The following EML6 variants were observed in gnomAD, a reference collection of about 807,000 sequenced individuals.
EML6 encodes the protein echinoderm microtubule-associated protein-like 6.
Under a neutral mutation model 240.1 loss-of-function variants are expected in EML6, and 154 were observed. That is an observed-to-expected ratio of 0.64 (90% CI 0.56 to 0.73). EML6 has a LOEUF of 0.73. Ranked by LOEUF, EML6 falls within the 30% of genes least tolerant of loss-of-function variation. The probability of loss-of-function intolerance (pLI) is 0.00; values close to 1 mark genes in which losing one functional copy is unlikely to be tolerated. For synonymous variants in EML6, 1,148 were observed against 899.0 expected (o/e 1.28, Z -4.95); for missense variants, 2,964 against 2,474.6 (o/e 1.20, Z -4.20).
At chr2:54,750,920 G>A (rs932968771) in intron 2 of EML6, among the ~76,000 whole-genome samples, 2 of 152,090 alleles carry the variant, frequency 1.3e-5, no homozygotes, top group African/African-American at 2.4e-5. Flanking sequence ...GATGGGGAAG[G>A]GCCAATTTTT....
chr2:54,892,727 C>T (rs1672540543), intron 19 of EML6, 71 bp downstream of exon 19: 2 of 1,213,144 alleles, frequency 1.6e-6, no homozygotes, highest in African/African-American at 1.5e-5. Flanking sequence ...TTAGGATGGC[C>T]CAAGAGGATG....
intron 17 of EML6, chr2:54,882,391 A>G (rs1378744320): frequency 6.6e-6 from 1 of 151,824 alleles, no homozygotes; most frequent in Non-Finnish European, 1.5e-5. Context: ...CATCACTGTC[A>G]ATCAGGGCAG....
chr2:54,772,637 C>T (rs948065035), intron 2 of EML6, among the ~76,000 whole-genome samples: 1 of 152,192 alleles, frequency 6.6e-6, no homozygotes, highest in Non-Finnish European at 1.5e-5. Context: ...CCTTATTCTA[C>T]ACATAACAGC....
At chr2:54,898,307 A>G (rs1247630588) in intron 21 of EML6, among the ~76,000 whole-genome samples, 1 of 152,142 alleles carries the variant, frequency 6.6e-6, no homozygotes. Context: ...AATATAAGGC[A>G]GTGGTTTAAA....
rs186372820 is a variant in EML6, at chr2:54,885,960, T to G, written c.2439-5094T>G. The stretch of plus-strand genomic sequence containing the variant: ...GAGCCCCAAAATTCCATCTCTTCCT[T>G]GCCTCTCATCGTAGGGTTCACATTC... On this transcript the variant is annotated intron_variant, in intron 17 of 41. Coordinates refer to ENST00000356458, the MANE Select transcript of EML6 (RefSeq NM_001039753.4). Among the ~76,000 whole-genome samples the G allele has an allele frequency of 1.3e-4, 20 of 152,222 alleles. 1 individual carries two copies. Among genetic ancestry groups the G allele is most frequent in the Admixed American group, 1.0e-3 (16 of 15,292 alleles).
In EML6 at chr2:54,968,113, T is replaced by C. The variant is rs765200147; in HGVS notation, c.5598-15T>C. 3.9e-6 allele frequency: 6 copies of C among 1,550,456 alleles called. No homozygotes were observed. In the South Asian group the frequency reaches 7.1e-5, roughly 18 times the overall value. ...TGACTTCCTTCTATCCTAACCCCTC[T>C]TTCTGTTGGAACAGCGTCCTGGGAG... On this transcript the variant is annotated splice_polypyrimidine_tract_variant and intron_variant, in intron 39 of 41. Coordinates refer to ENST00000356458, the MANE Select transcript of EML6 (RefSeq NM_001039753.4).
chr2:54,841,099 A>AG (rs5831323), intron 7 of EML6, among the ~76,000 whole-genome samples: 12 of 152,194 alleles, frequency 7.9e-5, no homozygotes, highest in Middle Eastern at 3.4e-3. Context: ...CAGGACAAGG[A>AG]GGGGGGGCTG....
At chr2:54,920,491 T>C (rs1447349048) in intron 26 of EML6, among the ~76,000 whole-genome samples, 1 of 152,090 alleles carries the variant, frequency 6.6e-6, no homozygotes, top group Non-Finnish European at 1.5e-5. Flanking sequence ...AGATCAATAA[T>C]GCACAAGAGA....
At chr2:54,868,852 C>T (rs1024593491) in intron 14 of EML6, 1 of 235,498 alleles carries the variant, frequency 4.2e-6, no homozygotes, top group Non-Finnish European at 8.2e-6. Context: ...GGGCGGAAGG[C>T]ATTTATGAGA....
Position 54,724,212 on chromosome 2 carries a change from T to C in EML6, c.-513-337T>C, listed in dbSNP as rs76162628. On this transcript the variant is annotated intron_variant, in intron 1 of 41. Transcript: ENST00000356458. This position sits in a 1 kb window ranked among gnomAD's most constrained non-coding sequence, Gnocchi z 5.2. ...TCAATGAGAGCTGCTAAGTTCTTTA[T>C]GGCTTTCTCGGTGAAGAGAAGGTTC... Among the ~76,000 whole-genome samples the C allele has an allele frequency of 6.7e-3, 1,026 of 152,298 alleles. 9 individuals are homozygous for C. Among genetic ancestry groups the C allele is most frequent in the South Asian group, 0.031 (148 of 4,816 alleles).
intron 2 of EML6, among the ~76,000 whole-genome samples, chr2:54,798,199 G>GTC (rs1245605831): frequency 2.0e-5 from 3 of 152,114 alleles, no homozygotes; most frequent in Admixed American, 6.6e-5. Flanking sequence ...GTCAGATGGA[G>GTC]TCTCGCCCTG....
At chr2:54,727,886 T>C (rs1231918463) in intron 2 of EML6, among the ~76,000 whole-genome samples, 1 of 152,200 alleles carries the variant, frequency 6.6e-6, no homozygotes, top group Non-Finnish European at 1.5e-5. Context: ...TATAAAACCA[T>C]GTGATCTCCA....
intron 28 of EML6, among the ~76,000 whole-genome samples, chr2:54,944,264 A>G (rs191490654): frequency 1.3e-4 from 20 of 152,040 alleles, no homozygotes; most frequent in Non-Finnish European, 2.8e-4. Context: ...TGAACTCATC[A>G]TCTTCCCTCA....
chr2:54,827,234 T>C (rs1553389008), intron 5 of EML6, among the ~76,000 whole-genome samples: 2 of 152,216 alleles, frequency 1.3e-5, no homozygotes, highest in Non-Finnish European at 2.9e-5. Context: ...TATAACTTGA[T>C]AAAAAACTAA....
chr2:54,845,835 C>T (rs543439670), intron 8 of EML6, among the ~76,000 whole-genome samples: 8 of 152,148 alleles, frequency 5.3e-5, no homozygotes, highest in Non-Finnish European at 8.8e-5. Context: ...TTGAGAGAAA[C>T]CGTGCTGCAT....
chr2:54,967,333 TACA>T, intron 39 of EML6: 1 of 308,272 alleles, frequency 3.2e-6, no homozygotes, highest in Non-Finnish European at 6.2e-6. Flanking sequence ...TAATTTCTTC[TACA>T]AGTCTCCAAC....
chr2:54,926,986 A>G (rs1674582521), intron 26 of EML6, among the ~76,000 whole-genome samples: 1 of 152,184 alleles, frequency 6.6e-6, no homozygotes, highest in Non-Finnish European at 1.5e-5. Context: ...TATAAACTGG[A>G]TGTGCTCCTG....
Position 54,916,850 on chromosome 2 carries a change from A to T in EML6, c.3590A>T (p.Asn1197Ile). ...WPAHSDITDV[N>I]AASLTKDCSL... ...GCACATAGCGATATAACTGACGTAAATGCTGCCAGTCTTACCAAAGACTGT... is the reference window on the plus strand; with the variant it reads ...GCACATAGCGATATAACTGACGTAATTGCTGCCAGTCTTACCAAAGACTGT... Residue 1197 changes from asparagine (N) to isoleucine (I), a missense_variant, in exon 26 of 42, where the codon AAT (asparagine) becomes ATT (isoleucine). Asn to Ile is a moderately radical substitution (Grantham distance 149, BLOSUM62 -3). Transcript: ENST00000356458. 2 of 1,551,120 alleles carry T rather than the reference A, an allele frequency of 1.3e-6. No homozygotes were observed. The highest frequency in any genetic ancestry group is 2.4e-5 in the South Asian group (2 of 84,018).
At chr2:54,902,187 A>G (rs1558667399) in intron 22 of EML6, among the ~76,000 whole-genome samples, 1 of 152,166 alleles carries the variant, frequency 6.6e-6, no homozygotes. Context: ...TGGAAATTTT[A>G]TTATAGAACT....
Sources: allele counts gnomAD v4.1 joint callset (sites outside exome capture counted in the v4.1 genomes callset), GRCh38; gene constraint gnomAD v4.1.1; non-coding constraint Gnocchi (gnomAD v3.1); transcripts MANE v1.5; gene names NCBI Gene and HGNC (gene_info 2026-07-23, HGNC 2026-07-21).